The following DDR2 variants were observed in gnomAD, a reference collection of about 807,000 sequenced individuals.
The protein encoded by DDR2 is discoidin domain-containing receptor 2.
In DDR2, 27 loss-of-function variants were observed where a neutral mutation model predicts 94.9. The observed-to-expected ratio is 0.28, with a 90% CI of 0.21 to 0.39. The LOEUF is 0.39. DDR2 is among the 10% of genes least tolerant of loss of function. The pLI, the probability that DDR2 is intolerant of heterozygous loss-of-function variation, is 1.00. For missense variants in DDR2, 783 were observed against 1,076.0 expected, an observed-to-expected ratio of 0.73 and a Z score of 3.81; for synonymous variants, 382 against 377.2, an observed-to-expected ratio of 1.01 and a Z score of -0.15.
At chr1:162,770,748 A>C in intron 12 of DDR2, 1 of 618,440 alleles carries the variant, frequency 1.6e-6, no homozygotes, top group Admixed American at 2.4e-5. Context: ...AAAAGAAAGA[A>C]AAAAATAATA....
At chr1:162,772,617 G>C (rs1459591159) in intron 13 of DDR2, among the ~76,000 whole-genome samples, 1 of 152,016 alleles carries the variant, frequency 6.6e-6, no homozygotes, top group East Asian at 1.9e-4. Context: ...TAGCCACTTT[G>C]TTTTTTTCCC....
At chr1:162,756,311 C>T (rs1314847973) in intron 7 of DDR2, among the ~76,000 whole-genome samples, 1 of 152,114 alleles carries the variant, frequency 6.6e-6, no homozygotes, top group African/African-American at 2.4e-5. Context: ...GGAAGCAGGG[C>T]TGAAGGCAAG....
intron 3 of DDR2, among the ~76,000 whole-genome samples, chr1:162,736,332 A>G (rs1662295069): frequency 6.6e-6 from 1 of 152,254 alleles, no homozygotes; most frequent in Non-Finnish European, 1.5e-5. Context: ...ACAGACCGAA[A>G]GAGAGCCAGG....
intron 2 of DDR2, among the ~76,000 whole-genome samples, chr1:162,718,619 T>A (rs552853880): frequency 6.6e-6 from 1 of 152,188 alleles, no homozygotes; most frequent in Non-Finnish European, 1.5e-5. Flanking sequence ...AATATTGAAC[T>A]TATATGTTTT....
At chr1:162,696,912 G>T (rs746464413) in intron 2 of DDR2, among the ~76,000 whole-genome samples, 1 of 152,052 alleles carries the variant, frequency 6.6e-6, no homozygotes, top group Non-Finnish European at 1.5e-5. Context: ...TGTTGGGCCT[G>T]GGTTCCTGTA....
chr1:162,663,216 A>G (rs1321552147), intron 2 of DDR2, among the ~76,000 whole-genome samples: 1 of 152,180 alleles, frequency 6.6e-6, no homozygotes, highest in Non-Finnish European at 1.5e-5. Flanking sequence ...ATTGGGGAGA[A>G]GAGAGTGAGT....
chr1:162,656,137 G>A (rs1657949777), intron 2 of DDR2, among the ~76,000 whole-genome samples: 1 of 152,160 alleles, frequency 6.6e-6, no homozygotes, highest in African/African-American at 2.4e-5. Context: ...TAGAACTGTA[G>A]CAATTTCTAG....
In DDR2 at chr1:162,786,051, C is replaced by G. The variant is rs967206646; in HGVS notation, c.*5805C>G. 1 of 152,114 alleles carries G rather than the reference C, an allele frequency of 6.6e-6. No homozygotes were observed. Among genetic ancestry groups the G allele is most frequent in the Non-Finnish European group, 1.5e-5 (1 of 68,004 alleles). The allele number at this position is 152,114 out of a possible 1,614,324, so 9.4% of individuals were successfully genotyped here. ...AGTCCCAAGCTAGCCTGTGCTCATC[C>G]ACAATCACAATGAACATGTCAAGGA... On this transcript the variant is annotated 3_prime_UTR_variant, in exon 18 of 18. Coordinates refer to ENST00000367921, the MANE Select transcript of DDR2 (RefSeq NM_006182.4).
intron 2 of DDR2, among the ~76,000 whole-genome samples, chr1:162,676,192 A>G (rs114107185): frequency 0.015 from 2,230 of 151,930 alleles, 59 homozygotes; most frequent in African/African-American, 0.051. Flanking sequence ...ACACTTACCT[A>G]TTTGGTCTAA....
Position 162,784,420 on chromosome 1 carries a change from C to G in DDR2, c.*4174C>G, listed in dbSNP as rs1006295221. The G allele has an allele frequency of 6.5e-6, 1 of 153,966 alleles. No homozygotes were observed. The highest frequency in any genetic ancestry group is 2.4e-5 in the African/African-American group (1 of 41,396). The allele number at this position is 153,966 out of a possible 1,614,324, so 9.5% of individuals were successfully genotyped here. Reference sequence around the variant, plus strand: ...TCCTTTTTAGTAAGACTTCTGTCCTCTGGCAGTGCATATGGTAGGTCTCTA... The same window carrying G: ...TCCTTTTTAGTAAGACTTCTGTCCTGTGGCAGTGCATATGGTAGGTCTCTA... On this transcript the variant is annotated 3_prime_UTR_variant, in exon 18 of 18. Transcript: ENST00000367921.
rs141745916 is a variant in DDR2 at position 162,638,444 on chromosome 1, A to G, written c.-192+5813A>G. ...TTAAAGAACAAACTCCCATATCCCC[A>G]TGGTAAGGTTGGAGAAGTGCGTGCA... On this transcript the variant is annotated intron_variant, in intron 1 of 17. Transcript: ENST00000367921. Among the ~76,000 whole-genome samples the G allele has an allele frequency of 4.7e-3, 719 of 152,270 alleles. 3 individuals carry two copies. The highest frequency in any genetic ancestry group is 0.016 in the African/African-American group (671 of 41,560).
chr1:162,679,387 C>G (rs1659290466), intron 2 of DDR2, among the ~76,000 whole-genome samples: 1 of 152,196 alleles, frequency 6.6e-6, no homozygotes, highest in Non-Finnish European at 1.5e-5. Context: ...TTCAGAGACA[C>G]AGATGACCAT....
intron 2 of DDR2, among the ~76,000 whole-genome samples, chr1:162,685,853 G>T (rs57318501): frequency 2.0e-5 from 3 of 152,266 alleles, no homozygotes; most frequent in African/African-American, 7.2e-5. Flanking sequence ...GCAGACAGAG[G>T]CTAAGTGATT....
intron 2 of DDR2, among the ~76,000 whole-genome samples, chr1:162,707,000 T>A (rs1397583929): frequency 6.6e-6 from 1 of 152,058 alleles, no homozygotes; most frequent in Non-Finnish European, 1.5e-5. Flanking sequence ...GACTGACTTG[T>A]TTGGAGGAAG....
chr1:162,751,818 T>C (rs950145457), intron 3 of DDR2, among the ~76,000 whole-genome samples: 3 of 152,288 alleles, frequency 2.0e-5, no homozygotes, highest in Admixed American at 6.5e-5. Context: ...TATGCAGCCA[T>C]AAAAAAGGAT....
intron 2 of DDR2, among the ~76,000 whole-genome samples, chr1:162,656,616 A>C (rs1002649578): frequency 6.7e-6 from 1 of 148,992 alleles, no homozygotes; most frequent in African/African-American, 2.5e-5. Context: ...CTTCCTTATG[A>C]TAGACTCTTG....
chr1:162,730,901 A>T (rs1662009099), intron 3 of DDR2, among the ~76,000 whole-genome samples: 2 of 152,234 alleles, frequency 1.3e-5, no homozygotes, highest in South Asian at 2.1e-4. Context: ...AACTCTGCTA[A>T]TTTTGTCCCG....
intron 17 of DDR2, among the ~76,000 whole-genome samples, chr1:162,779,794 T>C (rs941358613): frequency 9.2e-5 from 14 of 152,170 alleles, no homozygotes; most frequent in African/African-American, 3.4e-4. Context: ...TCAATATGGG[T>C]TGCCCATAAA....
rs555765842 is a variant in DDR2, at chr1:162,780,065, TTC to T, written c.2434-31_2434-30del. 3,062 of 1,463,698 alleles carry T rather than the reference TTC, an allele frequency of 2.1e-3. No homozygotes were observed. Among genetic ancestry groups the T allele is most frequent in the Non-Finnish European group, 2.3e-3 (2,428 of 1,064,714 alleles). The allele number at this position is 1,463,698 out of a possible 1,614,324, so 90.7% of individuals were successfully genotyped here. On this transcript the variant is annotated intron_variant, in intron 17 of 17. Coordinates refer to ENST00000367921, the MANE Select transcript of DDR2 (RefSeq NM_006182.4). ...TTCCCTTTCCCCCGTCTTTGTAATA[TTC>T]TCTCTCTCTCTCTCTTTTGTTTTCC... is the stretch of plus-strand genomic sequence containing the variant.
Sources: gnomAD v4.1 joint callset for allele counts (sites outside exome capture counted in the v4.1 genomes callset) on GRCh38, gnomAD v4.1.1 for gene constraint, MANE v1.5 for transcripts, NCBI Gene and HGNC (gene_info 2026-07-23, HGNC 2026-07-21) for gene names.